EPM2A: variants seen among roughly 807,000 people sequenced by gnomAD.
EPM2A encodes laforin.
EPM2A carries 21 observed loss-of-function variants against 26.5 expected under a neutral mutation model. The observed-to-expected ratio is 0.79, with a 90% CI of 0.56 to 1.14. The LOEUF is 1.14. Among genes scored for constraint, EPM2A ranks in the 50% most tolerant of loss-of-function variants. The pLI is 0.00. For synonymous variants in EPM2A, 217 were observed against 177.6 expected (o/e 1.22, Z -1.76); for missense variants, 458 against 440.8 (o/e 1.04, Z -0.35).
At chr6:145,709,232 T>A (rs1201024337) in intron 1 of EPM2A, among the ~76,000 whole-genome samples, 1 of 152,082 alleles carries the variant, frequency 6.6e-6, no homozygotes, top group Non-Finnish European at 1.5e-5. Context: ...GAAGGCATGA[T>A]TGGTTTTGAA....
At chr6:145,614,246 A>G (rs920794401) in intron 2 of EPM2A, among the ~76,000 whole-genome samples, 1 of 152,370 alleles carries the variant, frequency 6.6e-6, no homozygotes, top group Non-Finnish European at 1.5e-5. Flanking sequence ...TTTCTCAGCC[A>G]TCATAAAATT....
At chr6:145,444,530 T>C (rs1411452801) in intron 4 of EPM2A, among the ~76,000 whole-genome samples, 2 of 152,198 alleles carry the variant, frequency 1.3e-5, no homozygotes, top group African/African-American at 4.8e-5. Context: ...AAGGATATTG[T>C]CCTGAAGTTT....
intron 4 of EPM2A, among the ~76,000 whole-genome samples, chr6:145,476,794 C>A (rs1451557305): frequency 6.6e-6 from 1 of 151,726 alleles, no homozygotes; most frequent in African/African-American, 2.4e-5. Context: ...TGGGATACAG[C>A]CAAAGCAGTA....
chr6:145,636,656 G>A (rs1156528653), intron 2 of EPM2A: 2 of 152,134 alleles, frequency 1.3e-5, no homozygotes, highest in African/African-American at 2.4e-5. Flanking sequence ...CTGGCGCAGT[G>A]GCTCACGCCT....
At position 145,720,266 on chromosome 6, in the gene EPM2A, C is replaced by T. The variant is rs113110393; in HGVS notation, c.301+14932G>A. On this transcript the variant is annotated intron_variant, in intron 1 of 3. Transcript: ENST00000367519. ...TAAGTATTTCTTTTATGGGATACTT[C>T]TTCATTGTAGAGAAAACATGAGACA... Among the ~76,000 whole-genome samples, 1,169 of 152,244 alleles carry T rather than the reference C, an allele frequency of 7.7e-3. 19 individuals are homozygous for T. The highest frequency in any genetic ancestry group is 0.027 in the African/African-American group (1,109 of 41,550).
At chr6:145,714,680 CAA>C (rs1775520250) in intron 1 of EPM2A, among the ~76,000 whole-genome samples, 1 of 152,106 alleles carries the variant, frequency 6.6e-6, no homozygotes, top group African/African-American at 2.4e-5. Flanking sequence ...TGGCAGAAGG[CAA>C]AGAGAGGCAA....
At chr6:145,529,814 C>T (rs1054897669) in intron 2 of EPM2A, among the ~76,000 whole-genome samples, 2 of 152,166 alleles carry the variant, frequency 1.3e-5, no homozygotes, top group Non-Finnish European at 2.9e-5. Context: ...AACTTCCTTT[C>T]CCGGTAACCA....
At chr6:145,598,467 T>A (rs1260457410) in intron 2 of EPM2A, among the ~76,000 whole-genome samples, 3 of 152,124 alleles carry the variant, frequency 2.0e-5, no homozygotes, top group African/African-American at 7.2e-5. Context: ...ATAGATAATA[T>A]CTATAAGATA....
At chr6:145,572,657 G>C (rs939854291) in intron 2 of EPM2A, among the ~76,000 whole-genome samples, 6 of 152,122 alleles carry the variant, frequency 3.9e-5, no homozygotes, top group African/African-American at 1.4e-4. Flanking sequence ...CAAAATCCTA[G>C]AGGCCCCTGC....
intron 1 of EPM2A, among the ~76,000 whole-genome samples, chr6:145,718,977 A>G (rs368592249): frequency 1.2e-4 from 18 of 152,188 alleles, no homozygotes; most frequent in African/African-American, 2.2e-4. Context: ...GAAACAACAG[A>G]TGCTGGAGAG....
At chr6:145,477,897 T>C (rs1300993053) in intron 4 of EPM2A, among the ~76,000 whole-genome samples, 1 of 151,860 alleles carries the variant, frequency 6.6e-6, no homozygotes, top group Admixed American at 6.6e-5. Context: ...CTGTCACCAC[T>C]GTTATTTAAC....
chr6:145,680,594 A>C (rs1419865024), intron 2 of EPM2A, among the ~76,000 whole-genome samples: 26 of 142,680 alleles, frequency 1.8e-4, no homozygotes, highest in South Asian at 4.4e-4. Context: ...TCCTGTGTCC[A>C]TGTGTTCTCA....
At chr6:145,636,999 T>C (rs954846976) in intron 2 of EPM2A, 1 of 152,142 alleles carries the variant, frequency 6.6e-6, no homozygotes, top group African/African-American at 2.4e-5. Flanking sequence ...TAGGCCAAGT[T>C]ATTTATCAAC....
At chr6:145,623,502 T>C (rs1233274231), downstream of EPM2A, among the ~76,000 whole-genome samples, 2 of 152,162 alleles carry the variant, frequency 1.3e-5, no homozygotes, top group Non-Finnish European at 2.9e-5. Flanking sequence ...AGGGCCAGTA[T>C]GGCTAGAGCA....
chr6:145,411,071 A>G (rs1244494879), intron 4 of EPM2A, among the ~76,000 whole-genome samples: 1 of 152,190 alleles, frequency 6.6e-6, no homozygotes, highest in Non-Finnish European at 1.5e-5. Flanking sequence ...TTCATCTACT[A>G]TATGAACTAG....
chr6:145,712,157 T>C (rs781734239), intron 1 of EPM2A, among the ~76,000 whole-genome samples: 3 of 152,088 alleles, frequency 2.0e-5, no homozygotes, highest in African/African-American at 4.8e-5. Context: ...CATTTTATGA[T>C]AGATAATTCA....
intron 2 of EPM2A, among the ~76,000 whole-genome samples, chr6:145,537,506 T>C (rs1301723178): frequency 6.6e-6 from 1 of 152,046 alleles, no homozygotes; most frequent in Non-Finnish European, 1.5e-5. Flanking sequence ...TTTATTGTTA[T>C]ATACTTCTTG....
chr6:145,542,882 C>A (rs1562376376), intron 2 of EPM2A, among the ~76,000 whole-genome samples: 2 of 152,094 alleles, frequency 1.3e-5, no homozygotes, highest in East Asian at 3.9e-4. Context: ...TCTCAGCCTC[C>A]CGCGTAGCTG....
At chr6:145,529,734 C>A (rs1201156250) in intron 2 of EPM2A, among the ~76,000 whole-genome samples, 1 of 152,156 alleles carries the variant, frequency 6.6e-6, no homozygotes, top group African/African-American at 2.4e-5. Flanking sequence ...CAACACAGAG[C>A]AGGCACTTGG....
Sources: allele counts gnomAD v4.1 joint callset (sites outside exome capture counted in the v4.1 genomes callset), GRCh38; gene constraint gnomAD v4.1.1; transcripts MANE v1.5; gene names NCBI Gene and HGNC (gene_info 2026-07-23, HGNC 2026-07-21).